The following SLC44A3 variants were observed in gnomAD, a reference collection of about 807,000 sequenced individuals.
SLC44A3 encodes the protein choline transporter-like protein 3.
Under a neutral mutation model 75.4 loss-of-function variants are expected in SLC44A3, and 74 were observed. That is an observed-to-expected ratio of 0.98 (90% CI 0.81 to 1.19). The LOEUF (loss-of-function observed/expected upper bound fraction) is 1.19, where lower values mean the gene tolerates loss of function less well. Among genes scored for constraint, SLC44A3 ranks in the 50% most tolerant of loss-of-function variants. The probability of loss-of-function intolerance (pLI) is 0.00; values close to 1 mark genes in which losing one functional copy is unlikely to be tolerated. For missense variants in SLC44A3, 700 were observed against 778.6 expected (o/e 0.90, Z 1.20); for synonymous variants, 310 against 296.9 (o/e 1.04, Z -0.45).
intron 6 of SLC44A3, chr1:94,838,935 A>G (rs1339904756): frequency 2.6e-5 from 4 of 152,268 alleles, no homozygotes; most frequent in African/African-American, 9.6e-5. Context: ...TGTGCCAGGC[A>G]TTGTACTTAT....
intron 5 of SLC44A3, among the ~76,000 whole-genome samples, chr1:94,832,356 T>TA (rs200653379): frequency 1.4e-3 from 206 of 147,156 alleles, no homozygotes; most frequent in South Asian, 3.2e-3. Flanking sequence ...TGTATTAAGT[T>TA]AAAAAAAAAA....
chr1:94,868,820 C>T (rs1243316081), intron 12 of SLC44A3, among the ~76,000 whole-genome samples: 1 of 152,212 alleles, frequency 6.6e-6, no homozygotes, highest in African/African-American at 2.4e-5. Flanking sequence ...ACCTGTTATC[C>T]CCTCTCACTG....
intron 11 of SLC44A3, 23 bp from the exon 12 acceptor site, chr1:94,867,308 C>G: frequency 2.0e-6 from 3 of 1,531,698 alleles, no homozygotes; most frequent in Non-Finnish European, 2.6e-6. Context: ...TGACTCTGTT[C>G]CTTTGTTCTC....
At chr1:94,825,805 T>TA (rs1661236341) in intron 3 of SLC44A3, 2 of 456,162 alleles carry the variant, frequency 4.4e-6, no homozygotes, top group South Asian at 1.5e-5. Flanking sequence ...ATGGACTAAT[T>TA]ACGGAGCATT....
rs567898470 is a variant in SLC44A3, at chr1:94,864,380, C to T, written c.1239-363C>T. Among the ~76,000 whole-genome samples, 20 of 152,238 alleles carry T rather than the reference C, an allele frequency of 1.3e-4. No individual in the cohort carries two copies. The South Asian group carries it at 2.7e-3, about 21-fold the overall frequency. On this transcript the variant is annotated intron_variant, in intron 10 of 14. Coordinates refer to ENST00000271227, the MANE Select transcript of SLC44A3 (RefSeq NM_001114106.3). The stretch of plus-strand genomic sequence containing the variant: ...TGAATGCTGGCAATATTTATGTATA[C>T]TCCTGTGTAAGTTAAACCTTGGAGA...
In SLC44A3 at chr1:94,853,862, ATTTTT is replaced by A. The variant is rs34191139; in HGVS notation, c.1073-3463_1073-3459del. Among the ~76,000 whole-genome samples, 243 of 145,702 alleles carry A rather than the reference ATTTTT, an allele frequency of 1.7e-3. 1 individual carries two copies. Among genetic ancestry groups the A allele is most frequent in the African/African-American group, 6.0e-3 (235 of 39,484 alleles). On this transcript the variant is annotated intron_variant, in intron 9 of 14. Coordinates refer to ENST00000271227, the MANE Select transcript of SLC44A3 (RefSeq NM_001114106.3). The stretch of plus-strand genomic sequence containing the variant: ...TAACTCAGATGGTATCCTCTCTCTG[ATTTTT>A]TTTTTTTTTGCCTCATTTATTGTTC...
At chr1:94,887,745 T>A (rs144579213) in intron 12 of SLC44A3, among the ~76,000 whole-genome samples, 6 of 152,198 alleles carry the variant, frequency 3.9e-5, no homozygotes, top group African/African-American at 1.4e-4. Flanking sequence ...GGTGGTGGGC[T>A]GGAGGCAGCC....
intron 14 of SLC44A3, among the ~76,000 whole-genome samples, chr1:94,892,911 A>G (rs999775403): frequency 4.6e-5 from 7 of 152,152 alleles, no homozygotes; most frequent in Admixed American, 1.3e-4. Flanking sequence ...TTGCATCTCC[A>G]AGCATGATGT....
chr1:94,848,029 C>T (rs898470054), intron 9 of SLC44A3, among the ~76,000 whole-genome samples: 4 of 152,122 alleles, frequency 2.6e-5, no homozygotes, highest in South Asian at 2.1e-4. Context: ...GAGATCGAGA[C>T]CATCCTGGCT....
intron 12 of SLC44A3, among the ~76,000 whole-genome samples, chr1:94,889,835 CTG>C (rs1432383176): frequency 2.0e-5 from 3 of 151,906 alleles, no homozygotes; most frequent in African/African-American, 4.8e-5. Context: ...ACCAGTTACA[CTG>C]TATATTTTTT....
intron 12 of SLC44A3, among the ~76,000 whole-genome samples, chr1:94,882,721 T>A (rs1397691672): frequency 6.6e-6 from 1 of 151,994 alleles, no homozygotes; most frequent in Non-Finnish European, 1.5e-5. Flanking sequence ...TCCAGCAAGA[T>A]GCCGTTGCCT....
chr1:94,872,248 T>C (rs1031899326), intron 12 of SLC44A3, among the ~76,000 whole-genome samples: 2 of 152,044 alleles, frequency 1.3e-5, no homozygotes, highest in African/African-American at 4.8e-5. Context: ...ATTACAGGCT[T>C]GTCCCACCAC....
At position 94,820,361 on chromosome 1, in the gene SLC44A3, C is replaced by A; in HGVS notation, c.-91C>A. ...TCCAGCCCCAGCCCCAGCCCCAGCC[C>A]CGGCCCCGGCCCCGGCTCGCGGGCG... On this transcript the variant is annotated 5_prime_UTR_variant, in exon 1 of 15. Coordinates refer to ENST00000271227, the MANE Select transcript of SLC44A3 (RefSeq NM_001114106.3). The A allele has an allele frequency of 1.5e-6, 2 of 1,317,098 alleles. No homozygotes were observed. Among genetic ancestry groups the A allele is most frequent in the Non-Finnish European group, 1.9e-6 (2 of 1,034,634 alleles). 81.6% of individuals were successfully genotyped at this position (1,317,098 alleles called of 1,614,324 possible).
intron 12 of SLC44A3, among the ~76,000 whole-genome samples, chr1:94,868,944 G>A (rs1011762903): frequency 1.3e-5 from 2 of 152,250 alleles, no homozygotes; most frequent in African/African-American, 2.4e-5. Flanking sequence ...CATTAGGAGG[G>A]CAGAGAAATG....
chr1:94,852,805 G>A (rs1665386233), intron 9 of SLC44A3, among the ~76,000 whole-genome samples: 1 of 152,184 alleles, frequency 6.6e-6, no homozygotes, highest in South Asian at 2.1e-4. Context: ...AGACTCTGAG[G>A]GATTTTGGCC....
intron 12 of SLC44A3, among the ~76,000 whole-genome samples, chr1:94,870,777 G>A (rs1305715385): frequency 6.6e-6 from 1 of 152,138 alleles, no homozygotes; most frequent in African/African-American, 2.4e-5. Flanking sequence ...CTGCCTCCCG[G>A]GTTCAAGTGA....
chr1:94,892,553 T>C (rs749815045), intron 14 of SLC44A3, 36 bp downstream of exon 14: 7 of 1,585,406 alleles, frequency 4.4e-6, no homozygotes, highest in Admixed American at 3.4e-5. Flanking sequence ...GCAATCTCCA[T>C]GCTCGCAATC....
At chr1:94,837,037 G>A (rs2101022335) in intron 5 of SLC44A3, 1 of 152,124 alleles carries the variant, frequency 6.6e-6, no homozygotes, top group East Asian at 1.9e-4. Context: ...CAACGTGGAT[G>A]AACCAGAGGA....
In SLC44A3 at chr1:94,894,929, A is replaced by G. The variant is rs529444837; in HGVS notation, c.*7A>G. ...CCAGGCCATTGTGAGATAGATACCC[A>G]TTTAGGTATCTGTACCTGGAAAACA... On this transcript the variant is annotated 3_prime_UTR_variant, in exon 15 of 15. Transcript: ENST00000271227. The G allele has an allele frequency of 6.3e-7, 1 of 1,598,832 alleles. No homozygotes were observed. Among genetic ancestry groups the G allele is most frequent in the East Asian group, 2.3e-5 (1 of 44,040 alleles).
Sources: allele counts gnomAD v4.1 joint callset (sites outside exome capture counted in the v4.1 genomes callset), GRCh38; gene constraint gnomAD v4.1.1; transcripts MANE v1.5; gene names NCBI Gene and HGNC (gene_info 2026-07-23, HGNC 2026-07-21).